FMNL3: variants seen among roughly 807,000 people sequenced by gnomAD.
FMNL3 encodes formin like 3.
In FMNL3, 57 loss-of-function variants were observed where a neutral mutation model predicts 119.6. The ratio of observed to expected loss-of-function variants is 0.48; its 90% confidence interval spans 0.39 to 0.59. The LOEUF (loss-of-function observed/expected upper bound fraction) is 0.59. Ranked by LOEUF, FMNL3 falls within the 20% of genes least tolerant of loss-of-function variation. FMNL3 has a pLI of 0.00. For synonymous variants in FMNL3, 491 were observed against 507.3 expected (o/e 0.97, Z 0.43); for missense variants, 1,053 against 1,323.5 (o/e 0.80, Z 3.17).
chr12:49,647,950 C>G lies in FMNL3; in HGVS notation c.2677-146G>C, dbSNP rs962877626. On this transcript the variant is annotated intron_variant, in intron 22 of 25. Coordinates refer to ENST00000335154, the MANE Select transcript of FMNL3 (RefSeq NM_175736.5). The surrounding 1 kb of genome is among the most constrained non-coding windows in gnomAD (Gnocchi z 4.9). The stretch of plus-strand genomic sequence containing the variant: ...CAGGCCCCTGTGAGCTGGAGGGAAC[C>G]TGGGGCTCCCAAAGCTCCTGAGTAT... The G allele has an allele frequency of 1.4e-5, 11 of 795,624 alleles. No individual in the cohort carries two copies. Among genetic ancestry groups the G allele is most frequent in the Non-Finnish European group, 1.9e-5 (10 of 513,406 alleles). The allele number at this position is 795,624 out of a possible 1,614,324, so 49.3% of individuals were successfully genotyped here. A position where few individuals can be genotyped will look rare whatever the true frequency, so the allele number is the denominator to read the frequency against.
chr12:49,690,843 G>A (rs558483029), intron 1 of FMNL3, among the ~76,000 whole-genome samples: 9 of 152,324 alleles, frequency 5.9e-5, no homozygotes, highest in South Asian at 2.1e-4. Flanking sequence ...GCAGGAGTGC[G>A]AGACCAGCCT....
At chr12:49,654,850 G>T (rs1248844490) in intron 10 of FMNL3, 60 bp downstream of exon 10, 10 of 1,529,188 alleles carry the variant, frequency 6.5e-6, no homozygotes, top group Middle Eastern at 3.4e-4. Context: ...CACCCCTGTT[G>T]TCAAGGAACA....
chr12:49,648,682 G>A (rs1029344406), intron 21 of FMNL3, among the ~76,000 whole-genome samples: 4 of 152,226 alleles, frequency 2.6e-5, no homozygotes, highest in Non-Finnish European at 5.9e-5. Flanking sequence ...TCTATAGAGA[G>A]CTTTATGATT....
chr12:49,636,734 C>G lies in FMNL3; in HGVS notation c.*9081G>C. The G allele has an allele frequency of 6.2e-7, 1 of 1,614,174 alleles. No homozygotes were observed. Among genetic ancestry groups the G allele is most frequent in the Non-Finnish European group, 8.5e-7 (1 of 1,180,032 alleles). On this transcript the variant is annotated 3_prime_UTR_variant, in exon 26 of 26. Transcript: ENST00000335154. ...TCTTTAGACATGGACAAGGAAGATGCACTGATCTGTTTTGAGGAGCACATC... is the reference window on the plus strand; with the variant it reads ...TCTTTAGACATGGACAAGGAAGATGGACTGATCTGTTTTGAGGAGCACATC...
chr12:49,650,226 T>G (rs1263471598), intron 17 of FMNL3, among the ~76,000 whole-genome samples: 4 of 152,180 alleles, frequency 2.6e-5, no homozygotes, highest in Non-Finnish European at 4.4e-5. Context: ...TACCTTCTCC[T>G]GCTCCTCTCC....
At position 49,651,977 on chromosome 12, in the gene FMNL3, G is replaced by A; in HGVS notation, c.1559C>T (p.Pro520Leu). The change falls in exon 14 of 26, where the codon CCA becomes CTA. Residue 520 changes from proline to leucine, a missense_variant. By Grantham distance (98) the Pro-to-Leu change is moderately conservative. Around this residue, in one of 4 missense-constraint regions of FMNL3, gnomAD observed 445 missense variants for 628.4 expected, o/e 0.71. Coordinates refer to ENST00000335154, the MANE Select transcript of FMNL3 (RefSeq NM_175736.5). Reference protein sequence around the residue: ...PPPEEVLPLPPPPAPPLPPPP... With the variant: ...PPPEEVLPLPLPPAPPLPPPP... ...AGGGGGCAAGGGCGGAGCTGGTGGT[G>A]GAGGAAGAGGCAGGACCTCCTCAGG... 2 of 1,606,272 alleles carry A rather than the reference G, an allele frequency of 1.2e-6. No homozygotes were observed. The highest frequency in any genetic ancestry group is 1.7e-6 in the Non-Finnish European group (2 of 1,176,102).
chr12:49,701,838 G>A (rs1280054374), intron 1 of FMNL3, among the ~76,000 whole-genome samples: 1 of 151,804 alleles, frequency 6.6e-6, no homozygotes, highest in Non-Finnish European at 1.5e-5. Flanking sequence ...CAGGAGAATC[G>A]CTTGAACCCA....
chr12:49,668,722 C>G (rs1943958407), intron 1 of FMNL3, among the ~76,000 whole-genome samples, 168 bp from the exon 2 acceptor site: 1 of 152,182 alleles, frequency 6.6e-6, no homozygotes, highest in Non-Finnish European at 1.5e-5. Context: ...GCCTCCCCTT[C>G]ATGTTTGGTT....
At chr12:49,694,483 T>C (rs536726251) in intron 1 of FMNL3, among the ~76,000 whole-genome samples, 1 of 152,106 alleles carries the variant, frequency 6.6e-6, no homozygotes, top group African/African-American at 2.4e-5. Flanking sequence ...GGTGGGGGAG[T>C]TAGAGAACAC....
chr12:49,653,125 AAATCCTAGAG>A, intron 13 of FMNL3, 91 bp downstream of exon 13: 2 of 1,088,914 alleles, frequency 1.8e-6, no homozygotes, highest in East Asian at 4.7e-5. Context: ...ATCAAGATCT[AAATCCTAGAG>A]AACTTGATAT....
At position 49,642,293 on chromosome 12, in the gene FMNL3, T is replaced by G; in HGVS notation, c.*3522A>C. On this transcript the variant is annotated 3_prime_UTR_variant, in exon 26 of 26. Coordinates refer to ENST00000335154, the MANE Select transcript of FMNL3 (RefSeq NM_175736.5). The surrounding 1 kb of genome is among the most constrained non-coding windows in gnomAD (Gnocchi z 5.8). Reference sequence around the variant, plus strand: ...CGGGAGAAGGAGGAGGCACGCAGGATGCGGCGCAGGGAAGCTGCCTTTCGA... The same window carrying G: ...CGGGAGAAGGAGGAGGCACGCAGGAGGCGGCGCAGGGAAGCTGCCTTTCGA... 6.2e-7 allele frequency: 1 copy of G among 1,614,152 alleles called. No homozygotes were observed. The highest frequency in any genetic ancestry group is 8.5e-7 in the Non-Finnish European group (1 of 1,180,022).
At chr12:49,666,086 T>C in intron 3 of FMNL3, 41 bp downstream of exon 3, 1 of 1,597,286 alleles carries the variant, frequency 6.3e-7, no homozygotes, top group South Asian at 1.1e-5. Flanking sequence ...CACAGGACTA[T>C]AAAGGGTGGC....
chr12:49,653,584 C>T, intron 12 of FMNL3, 141 bp downstream of exon 12: 2 of 1,245,938 alleles, frequency 1.6e-6, no homozygotes, highest in Non-Finnish European at 2.3e-6. Flanking sequence ...GTGGCTCAGG[C>T]CTGAGTATGC....
chr12:49,660,347 AAG>A (rs1186518090), intron 5 of FMNL3, among the ~76,000 whole-genome samples: 1 of 152,212 alleles, frequency 6.6e-6, no homozygotes, highest in Non-Finnish European at 1.5e-5. Context: ...CTTTTCAAGT[AAG>A]AGAGAGAGGC....
At chr12:49,704,710 C>CAAAAAA (rs59799899) in intron 1 of FMNL3, among the ~76,000 whole-genome samples, 65 of 37,848 alleles carry the variant, frequency 1.7e-3, no homozygotes, top group South Asian at 2.7e-3. Flanking sequence ...AACTCCATCT[C>CAAAAAA]AAAAAAAAAA....
At position 49,693,635 on chromosome 12, in the gene FMNL3, GGTTT is replaced by G. The variant is rs1199463661; in HGVS notation, c.126+13416_126+13419del. Among the ~76,000 whole-genome samples, 82 of 21,230 alleles carry G rather than the reference GGTTT, an allele frequency of 3.9e-3. 14 individuals are homozygous for G. The highest frequency in any genetic ancestry group is 6.0e-3 in the South Asian group (3 of 504). 13.9% of individuals were successfully genotyped at this position (21,230 alleles called of 152,430 possible). A position where few individuals can be genotyped will look rare whatever the true frequency, so the allele number is the denominator to read the frequency against. ...CCACCCGCCTCAGCCTCCCAATCTT[GGTTT>G]TTTTTTTTTTTTTTTTTTTTTTTTT... is the stretch of plus-strand genomic sequence containing the variant. On this transcript the variant is annotated intron_variant, in intron 1 of 25. Coordinates refer to ENST00000335154, the MANE Select transcript of FMNL3 (RefSeq NM_175736.5).
At position 49,649,128 on chromosome 12, in the gene FMNL3, T is replaced by C; in HGVS notation, c.2416A>G (p.Met806Val). 6.2e-7 allele frequency: 1 copy of C among 1,613,672 alleles called. No homozygotes were observed. Among genetic ancestry groups the C allele is most frequent in the African/African-American group, 1.3e-5 (1 of 75,026 alleles). ...AAGGCGATGAAATGAAGCAGTGTCA[T>C]CTTCCGGTCAGTGGACTTGGTATCC... ...LLDTKSTDRK[M>V]TLLHFIALTV... is the part of the protein sequence containing the mutation. Residue 806 changes from methionine (M) to valine (V), a missense_variant, in exon 21 of 26, where the codon ATG becomes GTG. By Grantham distance (21) the Met-to-Val change is conservative. Coordinates refer to ENST00000335154, the MANE Select transcript of FMNL3 (RefSeq NM_175736.5). This position sits in a 1 kb window ranked among gnomAD's most constrained non-coding sequence, Gnocchi z 5.6.
intron 25 of FMNL3, 80 bp from the exon 26 acceptor site, chr12:49,645,983 G>C: frequency 1.6e-6 from 2 of 1,253,112 alleles, no homozygotes; most frequent in Non-Finnish European, 1.1e-6. Flanking sequence ...CCCACAGGTA[G>C]GGCCAGGGAG....
chr12:49,646,505 G>A (rs1178369606), intron 25 of FMNL3: 3 of 675,660 alleles, frequency 4.4e-6, no homozygotes, highest in Non-Finnish European at 7.4e-6. Flanking sequence ...GGGCATGCAA[G>A]AAGTATGTGT....
Sources: allele counts gnomAD v4.1 joint callset (sites outside exome capture counted in the v4.1 genomes callset), GRCh38; gene constraint gnomAD v4.1.1; regional missense constraint gnomAD v4.1.1; non-coding constraint Gnocchi (gnomAD v3.1); transcripts MANE v1.5; gene names NCBI Gene and HGNC (gene_info 2026-07-23, HGNC 2026-07-21).